The following NINJ2 variants were observed in gnomAD, a reference collection of about 807,000 sequenced individuals.
NINJ2 encodes ninjurin-2.
NINJ2 carries 12 observed loss-of-function variants against 11.7 expected under a neutral mutation model. The ratio of observed to expected loss-of-function variants is 1.02; its 90% CI spans 0.66 to 1.66. NINJ2 has a LOEUF of 1.66. Among genes scored for constraint, NINJ2 ranks in the 40% most tolerant of loss-of-function variants. The probability of loss-of-function intolerance (pLI) is 0.00; values close to 1 mark genes in which losing one functional copy is unlikely to be tolerated. For synonymous variants in NINJ2, 93 were observed against 76.8 expected (o/e 1.21, Z -1.10); for missense variants, 187 against 181.8 (o/e 1.03, Z -0.16).
At chr12:609,491 C>T (rs997384634) in intron 1 of NINJ2, among the ~76,000 whole-genome samples, 1 of 152,116 alleles carries the variant, frequency 6.6e-6, no homozygotes, top group Non-Finnish European at 1.5e-5. Context: ...GGGGAAACAC[C>T]GGGCGCGGTG....
rs145800943 is a variant in NINJ2, at chr12:634,867, T to C, written c.33+28461A>G. On this transcript the variant is annotated intron_variant, in intron 1 of 3. Transcript: ENST00000305108. The stretch of plus-strand genomic sequence containing the variant: ...ATTTCCTCTTAATTCTCTTTCTCTT[T>C]GAGGGAATGGTATAAGTACAAGAGG... Among the ~76,000 whole-genome samples, 441 of 152,312 alleles carry C rather than the reference T, an allele frequency of 2.9e-3. 5 individuals are homozygous for C. Among genetic ancestry groups the C allele is most frequent in the African/African-American group, 0.01 (426 of 41,570 alleles).
At chr12:635,402 G>A (rs184175612) in intron 1 of NINJ2, among the ~76,000 whole-genome samples, 1 of 152,290 alleles carries the variant, frequency 6.6e-6, no homozygotes, top group Admixed American at 6.5e-5. Flanking sequence ...CAGTGGAATA[G>A]AATAGAGCCC....
At chr12:567,000 C>T (rs1178813234) in intron 1 of NINJ2, among the ~76,000 whole-genome samples, 1 of 152,212 alleles carries the variant, frequency 6.6e-6, no homozygotes, top group Admixed American at 6.5e-5. Flanking sequence ...CTCAAGAGTA[C>T]TTGGAAGATT....
At chr12:613,415 C>T (rs567096143) in intron 1 of NINJ2, among the ~76,000 whole-genome samples, 1 of 151,778 alleles carries the variant, frequency 6.6e-6, no homozygotes, top group Non-Finnish European at 1.5e-5. Flanking sequence ...CAAGACTAGC[C>T]TAGCCAATAT....
chr12:609,196 A>ACGCACGGCGCCACGCTAGGGGCTGTACG (rs1947983095), intron 1 of NINJ2, among the ~76,000 whole-genome samples: 4 of 37,934 alleles, frequency 1.1e-4, no homozygotes, highest in South Asian at 6.4e-4. Context: ...TGCTGAACGC[A>ACGCACGGCGCCACGCTAGGGGCTGTACG]CACGCACGGC....
At chr12:616,114 A>T (rs530220527) in intron 1 of NINJ2, among the ~76,000 whole-genome samples, 1 of 152,336 alleles carries the variant, frequency 6.6e-6, no homozygotes, top group East Asian at 1.9e-4. Context: ...ACTTCTGAGT[A>T]TAAAAAAACC....
At position 612,574 on chromosome 12, in the gene NINJ2, C is replaced by A. The variant is rs550889610; in HGVS notation, c.34-46396G>T. On this transcript the variant is annotated intron_variant, in intron 1 of 3. Coordinates refer to ENST00000305108, the MANE Select transcript of NINJ2 (RefSeq NM_016533.6). ...AAGCAAAAATGAGAGGCCAGGCAGC[C>A]CCAGAAAAGCAGAGGGAAGGAGCTG... Among the ~76,000 whole-genome samples the A allele has an allele frequency of 2.7e-4, 41 of 152,258 alleles. No individual in the cohort carries two copies. The South Asian group carries it at 8.5e-3, about 32-fold the overall frequency.
chr12:631,249 C>T (rs907353602), intron 1 of NINJ2, among the ~76,000 whole-genome samples: 3 of 152,220 alleles, frequency 2.0e-5, no homozygotes, highest in Non-Finnish European at 4.4e-5. Context: ...GGAAGATCCT[C>T]CCGCCTCTGC....
At chr12:570,330 G>A (rs1264226232) in intron 1 of NINJ2, among the ~76,000 whole-genome samples, 1 of 152,242 alleles carries the variant, frequency 6.6e-6, no homozygotes, top group Non-Finnish European at 1.5e-5. Flanking sequence ...CAGTTTAGGT[G>A]CAGCCCTGCT....
intron 1 of NINJ2, among the ~76,000 whole-genome samples, chr12:623,174 A>C (rs1948173614): frequency 6.6e-6 from 1 of 152,206 alleles, no homozygotes; most frequent in African/African-American, 2.4e-5. Flanking sequence ...GAAGCAAGAT[A>C]GGGGCTCAGG....
rs566600067 is a variant in NINJ2 at position 619,136 on chromosome 12, G to T, written c.33+44192C>A. Among the ~76,000 whole-genome samples, 32 of 152,292 alleles carry T rather than the reference G, an allele frequency of 2.1e-4. No homozygotes were observed. The East Asian group carries it at 5.0e-3, about 24-fold the overall frequency. On this transcript the variant is annotated intron_variant, in intron 1 of 3. Transcript: ENST00000305108. ...TGGCTAGAAGGAATGGTCCAGGAGG[G>T]GGGCAGTTTATTGTCAGGACCATTG...
chr12:579,823 C>G (rs1439260540), intron 1 of NINJ2, among the ~76,000 whole-genome samples: 1 of 152,176 alleles, frequency 6.6e-6, no homozygotes, highest in Non-Finnish European at 1.5e-5. Context: ...GTCACAGATC[C>G]TATGGTGTTT....
At chr12:638,937 T>G (rs1948388182) in intron 1 of NINJ2, among the ~76,000 whole-genome samples, 1 of 152,208 alleles carries the variant, frequency 6.6e-6, no homozygotes, top group Admixed American at 6.5e-5. Flanking sequence ...CTAGTGTATA[T>G]CCATAGTAAG....
At chr12:588,685 G>A (rs1042623146) in intron 1 of NINJ2, among the ~76,000 whole-genome samples, 4 of 152,178 alleles carry the variant, frequency 2.6e-5, no homozygotes, top group Admixed American at 1.3e-4. Context: ...AAAGAGAAAC[G>A]GGGGGAACAC....
chr12:623,112 G>A lies in NINJ2; in HGVS notation c.33+40216C>T, dbSNP rs141391772. ...TGCACTCAGGTGGAATATTGCAAAG[G>A]TAGACATCAGCTCAAGGCTAGCTTC... On this transcript the variant is annotated intron_variant, in intron 1 of 3. Transcript: ENST00000305108. 8.9e-4 allele frequency among the ~76,000 whole-genome samples: 136 copies of A among 152,306 alleles called. 2 individuals are homozygous for A. Among genetic ancestry groups the A allele is most frequent in the African/African-American group, 3.0e-3 (125 of 41,556 alleles).
Position 634,265 on chromosome 12 carries a change from C to CTTTTTTTTTTTTTTTTT in NINJ2, c.33+29046_33+29062dup, listed in dbSNP as rs67797144. On this transcript the variant is annotated intron_variant, in intron 1 of 3. Transcript: ENST00000305108. ...AAATAAATGTTGATTAGTTGCAGTT[C>CTTTTTTTTTTTTTTTTT]TTTTTTTTTTTTTTTTTTTTTTTTT... Among the ~76,000 whole-genome samples, 118 of 59,528 alleles carry CTTTTTTTTTTTTTTTTT rather than the reference C, an allele frequency of 2.0e-3. 11 individuals carry two copies. Among genetic ancestry groups the CTTTTTTTTTTTTTTTTT allele is most frequent in the East Asian group, 5.1e-3 (6 of 1,176 alleles). The allele number at this position is 59,528 out of a possible 152,430, so 39.1% of individuals were successfully genotyped here.
At chr12:631,033 T>TA (rs1394208908) in intron 1 of NINJ2, 5 of 152,208 alleles carry the variant, frequency 3.3e-5, no homozygotes, top group African/African-American at 1.2e-4. Flanking sequence ...GAGAGTCAGT[T>TA]AAACCGCAGA....
intron 1 of NINJ2, among the ~76,000 whole-genome samples, chr12:629,532 C>G (rs1461734930): frequency 7.9e-5 from 12 of 152,286 alleles, no homozygotes; most frequent in Non-Finnish European, 2.9e-5. Context: ...CCTGTGGGCC[C>G]CGTGCAGCCC....
At chr12:608,836 G>A (rs904916619) in intron 1 of NINJ2, among the ~76,000 whole-genome samples, 1 of 152,362 alleles carries the variant, frequency 6.6e-6, no homozygotes, top group African/African-American at 2.4e-5. Context: ...TGCAGAGCAC[G>A]TATCAGGTCC....
Sources: gnomAD v4.1 joint callset for allele counts (sites outside exome capture counted in the v4.1 genomes callset) on GRCh38, gnomAD v4.1.1 for gene constraint, MANE v1.5 for transcripts, NCBI Gene and HGNC (gene_info 2026-07-23, HGNC 2026-07-21) for gene names.